The following POTEE variants were observed in gnomAD, a reference collection of about 807,000 sequenced individuals.
The protein encoded by POTEE is ANKRD26-like family C member 1A.
Under a neutral mutation model 74.2 loss-of-function variants are expected in POTEE, and 21 were observed. The ratio of observed to expected loss-of-function variants is 0.28; its 90% CI spans 0.20 to 0.41. The LOEUF is 0.41. POTEE is among the 10% of genes least tolerant of loss of function. POTEE has a pLI of 1.00. For synonymous variants in POTEE, 211 were observed against 432.8 expected, an observed-to-expected ratio of 0.49 and a Z score of 6.36; for missense variants, 525 against 1,158.6, an observed-to-expected ratio of 0.45 and a Z score of 7.94.
At chr2:131,236,202 G>A (rs530138034) in intron 9 of POTEE, among the ~76,000 whole-genome samples, 2 of 150,664 alleles carry the variant, frequency 1.3e-5, no homozygotes, top group African/African-American at 2.5e-5. Flanking sequence ...AAAACAGCTC[G>A]GAGTGAATGC....
chr2:131,230,246 T>G (rs867612811), intron 8 of POTEE, among the ~76,000 whole-genome samples: 3 of 152,188 alleles, frequency 2.0e-5, no homozygotes, highest in African/African-American at 7.2e-5. Context: ...GTAGGACAAC[T>G]AAGAAGCAAA....
At chr2:131,221,824 A>G (rs940811685) in intron 4 of POTEE, among the ~76,000 whole-genome samples, 3 of 152,224 alleles carry the variant, frequency 2.0e-5, no homozygotes, top group Non-Finnish European at 2.9e-5. Context: ...TTACTATTGC[A>G]AATGTATTGC....
chr2:131,214,153 AACC>A (rs1351239548), intron 2 of POTEE, among the ~76,000 whole-genome samples: 3 of 152,198 alleles, frequency 2.0e-5, no homozygotes, highest in Non-Finnish European at 4.4e-5. Context: ...TTTTAGGAGA[AACC>A]TCTGTTTTCC....
intron 2 of POTEE, among the ~76,000 whole-genome samples, chr2:131,216,176 T>C (rs907744006): frequency 2.9e-4 from 44 of 151,606 alleles, no homozygotes; most frequent in Non-Finnish European, 5.1e-4. Flanking sequence ...TATAGCACAT[T>C]GATGAAAGAA....
intron 7 of POTEE, 131 bp from the exon 8 acceptor site, chr2:131,228,113 C>T (rs572587877): frequency 6.8e-7 from 1 of 1,480,784 alleles, no homozygotes; most frequent in South Asian, 1.4e-5. Context: ...CTTGAGCACT[C>T]AAGATGCTTA....
In POTEE at chr2:131,263,903, C is replaced by T. The variant is rs377636713; in HGVS notation, c.2448C>T (p.Arg816=). 140 of 1,614,020 alleles carry T rather than the reference C, an allele frequency of 8.7e-5. 1 individual carries two copies. Among genetic ancestry groups the T allele is most frequent in the Admixed American group, 1.5e-4 (9 of 60,008 alleles). ...TEAPLNPKAN[R]EKMTQIMFET... ...CCCCCCTGAACCCCAAGGCCAACCG[C>T]GAGAAGATGACCCAGATCATGTTTG... The change falls in exon 18 of 18, where the codon CGC becomes CGT. Residue 816 remains arginine (R), a synonymous_variant. Transcript: ENST00000683005.
At chr2:131,248,777 TG>T (rs1416969859) in intron 13 of POTEE, among the ~76,000 whole-genome samples, 1 of 146,684 alleles carries the variant, frequency 6.8e-6, no homozygotes, top group African/African-American at 2.5e-5. Flanking sequence ...CTCCATGACC[TG>T]TGTGAGTCAC....
chr2:131,254,695 G>A (rs1442617081), intron 16 of POTEE, among the ~76,000 whole-genome samples: 1 of 145,084 alleles, frequency 6.9e-6, no homozygotes, highest in Non-Finnish European at 1.5e-5. Flanking sequence ...TTGAGAAAAG[G>A]ATATATTTCA....
chr2:131,227,992 C>T (rs1379874487), intron 7 of POTEE, among the ~76,000 whole-genome samples: 1,647 of 148,556 alleles, frequency 0.011, no homozygotes, highest in African/African-American at 0.041. Context: ...GTTTCTTGCC[C>T]ATCAAAGGAC....
At chr2:131,229,372 G>T (rs1247430832) in intron 8 of POTEE, among the ~76,000 whole-genome samples, 15 of 152,168 alleles carry the variant, frequency 9.9e-5, no homozygotes, top group Admixed American at 2.6e-4. Context: ...TATGAACCTT[G>T]CCCTGAGCAG....
At chr2:131,215,246 C>CT (rs1156270003) in intron 2 of POTEE, among the ~76,000 whole-genome samples, 1 of 151,840 alleles carries the variant, frequency 6.6e-6, no homozygotes, top group Non-Finnish European at 1.5e-5. Flanking sequence ...TTTTTGATTC[C>CT]TTTTTTCTAT....
Position 131,230,356 on chromosome 2 carries a change from T to A in POTEE, c.1056-480T>A, listed in dbSNP as rs189157012. On this transcript the variant is annotated intron_variant, in intron 8 of 17. Transcript: ENST00000683005. ...TTTTATTTGGGATTCCAAGATAATT[T>A]TAGTCATAAAGTTTAGGAACAGATT... Among the ~76,000 whole-genome samples, 696 of 152,278 alleles carry A rather than the reference T, an allele frequency of 4.6e-3. 10 individuals are homozygous for A. Among genetic ancestry groups the A allele is most frequent in the African/African-American group, 0.016 (648 of 41,520 alleles).
At chr2:131,225,405 C>T (rs1700750879) in intron 6 of POTEE, among the ~76,000 whole-genome samples, 2 of 151,576 alleles carry the variant, frequency 1.3e-5, no homozygotes, top group African/African-American at 4.9e-5. Context: ...ACGACAACAA[C>T]AACAATTTTC....
rs1573695644 is a variant in POTEE at position 131,218,139 on chromosome 2, G to A, written c.-93-171G>A. On this transcript the variant is annotated intron_variant, in intron 3 of 17. Transcript: ENST00000683005. ...GGCTGGGTGTTTTCTTGGGGGCGGGGGTTGGCCCTTTCTGGGGTTGGCCCT... is the reference window on the plus strand; with the variant it reads ...GGCTGGGTGTTTTCTTGGGGGCGGGAGTTGGCCCTTTCTGGGGTTGGCCCT... 10 of 707,304 alleles carry A rather than the reference G, an allele frequency of 1.4e-5. 1 individual carries two copies. The African/African-American group carries it at 1.6e-4, about 11-fold the overall frequency. 43.8% of individuals were successfully genotyped at this position (707,304 alleles called of 1,614,324 possible).
intron 4 of POTEE, among the ~76,000 whole-genome samples, chr2:131,219,736 CAA>C (rs1218447808): frequency 2.2e-5 from 3 of 136,518 alleles, no homozygotes; most frequent in Admixed American, 7.0e-5. Flanking sequence ...GACTCCCTTT[CAA>C]AAAAAAAAAA....
intron 13 of POTEE, among the ~76,000 whole-genome samples, chr2:131,246,695 AACAG>A (rs1403949760): frequency 1.9e-5 from 1 of 51,494 alleles, no homozygotes; most frequent in African/African-American, 7.7e-5. Context: ...AGAACACAAA[AACAG>A]ACAGGAGCTT....
At position 131,255,611 on chromosome 2, in the gene POTEE, C is replaced by G. The variant is rs1418433626; in HGVS notation, c.1778+2512C>G. On this transcript the variant is annotated intron_variant, in intron 16 of 17. Coordinates refer to ENST00000683005, the MANE Select transcript of POTEE (RefSeq NM_001083538.3). ...TTAAGACAGAGTCTCGCTTTGTCCCCCAGGCTGGAGTTCAGTGGCATGATC... is the reference window on the plus strand; with the variant it reads ...TTAAGACAGAGTCTCGCTTTGTCCCGCAGGCTGGAGTTCAGTGGCATGATC... 7.4e-5 allele frequency among the ~76,000 whole-genome samples: 2 copies of G among 27,096 alleles called. 1 individual carries two copies. The highest frequency in any genetic ancestry group is 2.0e-3 in the South Asian group (2 of 994). 17.8% of individuals were successfully genotyped at this position (27,096 alleles called of 152,430 possible). A position where few individuals can be genotyped will look rare whatever the true frequency, so the allele number is the denominator to read the frequency against.
intron 4 of POTEE, among the ~76,000 whole-genome samples, chr2:131,221,726 A>G (rs1700624434): frequency 6.6e-6 from 1 of 152,208 alleles, no homozygotes; most frequent in Non-Finnish European, 1.5e-5. Context: ...TTTTCATTAG[A>G]TATAGATTAA....
chr2:131,223,816 A>G, intron 5 of POTEE, 54 bp from the exon 6 acceptor site: 1 of 1,579,860 alleles, frequency 6.3e-7, no homozygotes, highest in Non-Finnish European at 8.6e-7. Context: ...AAGCTGTGGA[A>G]TGTTATTTTG....
Sources: allele counts gnomAD v4.1 joint callset (sites outside exome capture counted in the v4.1 genomes callset), GRCh38; gene constraint gnomAD v4.1.1; transcripts MANE v1.5; gene names NCBI Gene and HGNC (gene_info 2026-07-23, HGNC 2026-07-21).